E2F8: variants seen among roughly 807,000 people sequenced by gnomAD.
E2F8 encodes transcription factor E2F8.
Under a neutral mutation model 80.8 loss-of-function variants are expected in E2F8, and 35 were observed. The ratio of observed to expected loss-of-function variants is 0.43; its 90% CI spans 0.33 to 0.57. The LOEUF is 0.57. Ranked by LOEUF, E2F8 falls within the 20% of genes least tolerant of loss-of-function variation. E2F8 has a pLI of 0.04. For missense variants in E2F8, 975 were observed against 1,056.2 expected (o/e 0.92, Z 1.07); for synonymous variants, 386 against 395.0 (o/e 0.98, Z 0.27).
In E2F8 at chr11:19,234,798, T is replaced by C. The variant is rs555038013; in HGVS notation, c.712A>G (p.Asn238Asp). Reference protein sequence around the residue: ...DHIIKSNTGPNGHPDMCFVEL... With the variant: ...DHIIKSNTGPDGHPDMCFVEL... The stretch of plus-strand genomic sequence containing the variant: ...ACAAAACACATGTCTGGGTGTCCAT[T>C]TGGGCCAGTGTTTGATTTGATGATA... Residue 238 changes from asparagine (N) to aspartate (D), a missense_variant, in exon 5 of 13, where the codon AAT becomes GAT. Coordinates refer to ENST00000250024, the MANE Select transcript of E2F8 (RefSeq NM_024680.4). 1.2e-6 allele frequency: 2 copies of C among 1,614,186 alleles called. No individual in the cohort carries two copies. The highest frequency in any genetic ancestry group is 2.2e-5 in the East Asian group (1 of 44,890).
chr11:19,240,867 G>A lies in E2F8; in HGVS notation c.-429C>T, dbSNP rs1851641899. On this transcript the variant is annotated 5_prime_UTR_variant, in exon 1 of 13. Transcript: ENST00000250024. ...GTTCGGGTGGCCAGTTCACACCACG[G>A]CGTTAGACTCCACCTTGGAAGGCTG... 6.6e-6 allele frequency: 1 copy of A among 152,250 alleles called. No individual in the cohort carries two copies. The highest frequency in any genetic ancestry group is 6.5e-5 in the Admixed American group (1 of 15,278). 9.4% of individuals were successfully genotyped at this position (152,250 alleles called of 1,614,324 possible). A position where few individuals can be genotyped will look rare whatever the true frequency, so the allele number is the denominator to read the frequency against.
chr11:19,225,672 A>T, intron 11 of E2F8, 57 bp from the exon 12 acceptor site: 8 of 1,609,898 alleles, frequency 5.0e-6, no homozygotes, highest in Non-Finnish European at 8.5e-7. Context: ...CAAGAAGTTG[A>T]CAAGGCTTAA....
Position 19,234,815 on chromosome 11 carries a change from T to C in E2F8, c.695A>G (p.Lys232Arg). The change falls in exon 5 of 13, where the codon AAA (lysine) becomes AGA (arginine). Residue 232 changes from lysine (K) to arginine (R), a missense_variant. Coordinates refer to ENST00000250024, the MANE Select transcript of E2F8 (RefSeq NM_024680.4). Reference protein sequence around the residue: ...KSYSIEDHIIKSNTGPNGHPD... With the variant: ...KSYSIEDHIIRSNTGPNGHPD... ...GTGTCCATTTGGGCCAGTGTTTGAT[T>C]TGATGATATGATCCTCTATACTGTA... 2 of 1,614,254 alleles carry C rather than the reference T, an allele frequency of 1.2e-6. No homozygotes were observed. The highest frequency in any genetic ancestry group is 1.7e-6 in the Non-Finnish European group (2 of 1,180,052).
At chr11:19,238,291 T>G (rs183841017) in intron 2 of E2F8, among the ~76,000 whole-genome samples, 159 bp from the exon 3 acceptor site, 2 of 152,384 alleles carry the variant, frequency 1.3e-5, no homozygotes, top group Admixed American at 1.3e-4. Context: ...CTAATGGTCA[T>G]GTGATGTGTA....
chr11:19,227,388 C>G (rs1851263329), intron 10 of E2F8, among the ~76,000 whole-genome samples: 1 of 152,164 alleles, frequency 6.6e-6, no homozygotes, highest in South Asian at 2.1e-4. Flanking sequence ...GTTATATTCT[C>G]TCATGGTACA....
At chr11:19,237,258 A>G in intron 4 of E2F8, 56 bp downstream of exon 4, 1 of 1,561,986 alleles carries the variant, frequency 6.4e-7, no homozygotes, top group Non-Finnish European at 8.8e-7. Context: ...GAAGGAGTTA[A>G]GTCCATAAAG....
intron 6 of E2F8, among the ~76,000 whole-genome samples, chr11:19,232,692 T>C (rs1290083787): frequency 6.6e-6 from 1 of 152,214 alleles, no homozygotes; most frequent in Non-Finnish European, 1.5e-5. Context: ...TCACCATTCC[T>C]GGGTATCTTC....
chr11:19,235,123 T>A (rs989502860), intron 4 of E2F8, 65 bp from the exon 5 acceptor site: 8 of 1,421,004 alleles, frequency 5.6e-6, no homozygotes, highest in Non-Finnish European at 7.6e-6. Flanking sequence ...AATAGCTTTT[T>A]CTTCCATTGG....
chr11:19,238,677 G>A (rs1180252911), intron 2 of E2F8, among the ~76,000 whole-genome samples: 1 of 152,240 alleles, frequency 6.6e-6, no homozygotes, highest in African/African-American at 2.4e-5. Flanking sequence ...GGAGACAAGA[G>A]TGAGGGATAG....
rs372259667 is a variant in E2F8 at position 19,225,688 on chromosome 11, C to T, written c.2026+44G>A. The T allele has an allele frequency of 5.0e-6, 8 of 1,611,810 alleles. No homozygotes were observed. The African/African-American group carries it at 8.0e-5, about 16-fold the overall frequency. ...AAGAAGTTGACAAGGCTTAAGTGAACTTGAGACCGGCCCACATCTGGTTAG... is the reference window on the plus strand; with the variant it reads ...AAGAAGTTGACAAGGCTTAAGTGAATTTGAGACCGGCCCACATCTGGTTAG... On this transcript the variant is annotated intron_variant, in intron 11 of 12. Coordinates refer to ENST00000250024, the MANE Select transcript of E2F8 (RefSeq NM_024680.4).
At chr11:19,235,795 A>G (rs1240194124) in intron 4 of E2F8, among the ~76,000 whole-genome samples, 2 of 152,206 alleles carry the variant, frequency 1.3e-5, no homozygotes, top group African/African-American at 4.8e-5. Context: ...TCCAATACAA[A>G]CACGTACACA....
intron 6 of E2F8, 147 bp downstream of exon 6, chr11:19,234,213 A>T: frequency 2.5e-6 from 2 of 814,060 alleles, no homozygotes; most frequent in Admixed American, 5.5e-5. Context: ...AATCAATATT[A>T]TCATGGCTTC....
chr11:19,228,457 A>T (rs1480533631), intron 10 of E2F8, among the ~76,000 whole-genome samples: 2 of 152,250 alleles, frequency 1.3e-5, no homozygotes, highest in African/African-American at 2.4e-5. Context: ...TATGTGTATC[A>T]TCATGGAATA....
intron 4 of E2F8, among the ~76,000 whole-genome samples, chr11:19,236,696 T>G (rs1276001783): frequency 6.6e-6 from 1 of 152,244 alleles, no homozygotes; most frequent in South Asian, 2.1e-4. Flanking sequence ...TAAAATGTAT[T>G]ATCTTGCACA....
At chr11:19,231,506 T>A (rs1438468294) in intron 7 of E2F8, among the ~76,000 whole-genome samples, 1 of 152,188 alleles carries the variant, frequency 6.6e-6, no homozygotes, top group Non-Finnish European at 1.5e-5. Context: ...GGAACCTAAG[T>A]TTCCCTCTGT....
At chr11:19,231,293 G>A (rs182172197) in intron 7 of E2F8, among the ~76,000 whole-genome samples, 79 of 152,278 alleles carry the variant, frequency 5.2e-4, no homozygotes, top group Admixed American at 9.1e-4. Context: ...GAGCATGTGG[G>A]CCTGGGATAT....
Position 19,224,579 on chromosome 11 carries a change from G to T in E2F8, c.*79C>A. 1 of 1,448,128 alleles carries T rather than the reference G, an allele frequency of 6.9e-7. No individual in the cohort carries two copies. The highest frequency in any genetic ancestry group is 9.5e-7 in the Non-Finnish European group (1 of 1,057,466). The allele number at this position is 1,448,128 out of a possible 1,614,324, so 89.7% of individuals were successfully genotyped here. A position where few individuals can be genotyped will look rare whatever the true frequency, so the allele number is the denominator to read the frequency against. The stretch of plus-strand genomic sequence containing the variant: ...CGTATTTACAGTATTTTCAGAGAAT[G>T]TGTTCTCCAAATCAGTCTGTGTACA... On this transcript the variant is annotated 3_prime_UTR_variant, in exon 13 of 13. Coordinates refer to ENST00000250024, the MANE Select transcript of E2F8 (RefSeq NM_024680.4).
At position 19,224,952 on chromosome 11, in the gene E2F8, G is replaced by A. The variant is rs140874635; in HGVS notation, c.2422-112C>T. 1.2e-5 allele frequency: 16 copies of A among 1,329,352 alleles called. No homozygotes were observed. In the East Asian group the frequency reaches 1.4e-4, roughly 12 times the overall value. 82.3% of individuals were successfully genotyped at this position (1,329,352 alleles called of 1,614,324 possible). Reference sequence around the variant, plus strand: ...ATGTATTGCACATTGGGAAACTGGCGTATCTTGAAATTGGCGAGGGAAGCT... The same window carrying A: ...ATGTATTGCACATTGGGAAACTGGCATATCTTGAAATTGGCGAGGGAAGCT... On this transcript the variant is annotated intron_variant, in intron 12 of 12. Transcript: ENST00000250024.
chr11:19,228,215 C>G (rs1462672430), intron 10 of E2F8, among the ~76,000 whole-genome samples: 1 of 152,040 alleles, frequency 6.6e-6, no homozygotes, highest in Admixed American at 6.6e-5. Context: ...TAAATCATAC[C>G]CATTGGCCAA....
Sources: gnomAD v4.1 joint callset for allele counts (sites outside exome capture counted in the v4.1 genomes callset) on GRCh38, gnomAD v4.1.1 for gene constraint, MANE v1.5 for transcripts, NCBI Gene and HGNC (gene_info 2026-07-23, HGNC 2026-07-21) for gene names.